Variants in PRKCA observed in about 807,000 individuals in gnomAD.
The protein encoded by PRKCA is protein kinase C alpha.
Under a neutral mutation model 87.0 loss-of-function variants are expected in PRKCA, and 27 were observed. That is an observed-to-expected ratio of 0.31 (90% CI 0.23 to 0.43). The LOEUF is 0.43. PRKCA is among the 20% of genes least tolerant of loss of function. The probability of loss-of-function intolerance (pLI) is 1.00; values close to 1 mark genes in which losing one functional copy is unlikely to be tolerated. For missense variants in PRKCA, 518 were observed against 852.3 expected (o/e 0.61, Z 4.88); for synonymous variants, 329 against 311.1 (o/e 1.06, Z -0.61).
At chr17:66,449,732 GCTGTAATTGTTTTTGGGTGTGCAC>G (rs1194340127) in intron 2 of PRKCA, among the ~76,000 whole-genome samples, 8 of 152,200 alleles carry the variant, frequency 5.3e-5, no homozygotes, top group African/African-American at 1.9e-4. Flanking sequence ...TGAGGTTGTT[GCTGTAATTGTTTTTGGGTGTGCAC>G]CTGCAGCGCC....
intron 16 of PRKCA, among the ~76,000 whole-genome samples, chr17:66,789,476 C>CGG (rs1975480520): frequency 6.6e-6 from 1 of 152,230 alleles, no homozygotes; most frequent in Admixed American, 6.5e-5. Flanking sequence ...GCCTCCACTG[C>CGG]GGGGAGTGAG....
chr17:66,455,651 T>C (rs1914547597), intron 2 of PRKCA, among the ~76,000 whole-genome samples: 1 of 152,202 alleles, frequency 6.6e-6, no homozygotes, highest in Admixed American at 6.5e-5. Flanking sequence ...CTGTGACATT[T>C]TGATTAACTG....
intron 3 of PRKCA, among the ~76,000 whole-genome samples, chr17:66,550,524 C>T (rs1968293142): frequency 6.6e-6 from 1 of 152,150 alleles, no homozygotes; most frequent in African/African-American, 2.4e-5. Flanking sequence ...TGGCGGACAT[C>T]TGTAGTCTCA....
At chr17:66,457,198 G>T (rs964591119) in intron 2 of PRKCA, among the ~76,000 whole-genome samples, 4 of 152,164 alleles carry the variant, frequency 2.6e-5, no homozygotes, top group African/African-American at 9.7e-5. Context: ...TTGGGTGTTT[G>T]TCCAAGAGAA....
chr17:66,402,010 C>T (rs1255707132), intron 2 of PRKCA, among the ~76,000 whole-genome samples: 1 of 152,170 alleles, frequency 6.6e-6, no homozygotes, highest in East Asian at 1.9e-4. Context: ...GCAGATCCAT[C>T]CCCTATGTTG....
intron 9 of PRKCA, among the ~76,000 whole-genome samples, chr17:66,734,133 A>G (rs1479633952): frequency 6.6e-6 from 1 of 152,198 alleles, no homozygotes. Context: ...CTTAACTTTA[A>G]TGTTACCAGA....
intron 3 of PRKCA, among the ~76,000 whole-genome samples, chr17:66,622,998 T>G (rs1970734021): frequency 6.6e-6 from 1 of 152,168 alleles, no homozygotes; most frequent in Non-Finnish European, 1.5e-5. Flanking sequence ...AACCGTTGAT[T>G]TGTGAGTTGA....
chr17:66,711,666 T>A (rs1449107351), intron 8 of PRKCA, among the ~76,000 whole-genome samples: 1 of 152,144 alleles, frequency 6.6e-6, no homozygotes, highest in Non-Finnish European at 1.5e-5. Flanking sequence ...TATGTTCGCA[T>A]TAGATCAAAC....
intron 2 of PRKCA, among the ~76,000 whole-genome samples, chr17:66,330,433 CAG>C (rs1906262642): frequency 6.6e-6 from 1 of 152,088 alleles, no homozygotes; most frequent in African/African-American, 2.4e-5. Flanking sequence ...ATATGTGACT[CAG>C]GGAGGTACCA....
intron 13 of PRKCA, among the ~76,000 whole-genome samples, chr17:66,750,913 A>C (rs1288010331): frequency 6.6e-6 from 1 of 152,220 alleles, no homozygotes; most frequent in Admixed American, 6.5e-5. Flanking sequence ...AAGGGCCTGC[A>C]GACATCAGCT....
At chr17:66,502,385 C>T (rs2144134560) in intron 3 of PRKCA, among the ~76,000 whole-genome samples, 1 of 152,046 alleles carries the variant, frequency 6.6e-6, no homozygotes, top group Non-Finnish European at 1.5e-5. Flanking sequence ...CGGGCATGCA[C>T]CACCACACTC....
intron 3 of PRKCA, among the ~76,000 whole-genome samples, chr17:66,514,684 G>A (rs1057029696): frequency 9.9e-5 from 15 of 151,930 alleles, no homozygotes; most frequent in Admixed American, 6.6e-4. Flanking sequence ...GGTGTGAGAT[G>A]CCTGCTTCAT....
chr17:66,371,780 C>G (rs928479575), intron 2 of PRKCA, among the ~76,000 whole-genome samples: 3 of 152,298 alleles, frequency 2.0e-5, no homozygotes, highest in Middle Eastern at 3.4e-3. Context: ...ATGACCCAAC[C>G]CTTTGTCATC....
intron 2 of PRKCA, among the ~76,000 whole-genome samples, chr17:66,396,154 G>A (rs1052800543): frequency 3.9e-5 from 6 of 151,922 alleles, no homozygotes; most frequent in African/African-American, 1.5e-4. Flanking sequence ...TCTTTGGGTG[G>A]GTGAAATGCT....
intron 3 of PRKCA, among the ~76,000 whole-genome samples, chr17:66,505,426 A>G (rs997182018): frequency 6.6e-6 from 1 of 152,196 alleles, no homozygotes; most frequent in African/African-American, 2.4e-5. Flanking sequence ...TCCCATTTTC[A>G]CCAGTGTTTG....
At chr17:66,686,287 A>G (rs1972625447) in intron 5 of PRKCA, among the ~76,000 whole-genome samples, 1 of 152,118 alleles carries the variant, frequency 6.6e-6, no homozygotes, top group Admixed American at 6.5e-5. Context: ...TGATTCCCAT[A>G]TCAGGTTTCT....
chr17:66,591,319 A>ATTTTTT, intron 3 of PRKCA, among the ~76,000 whole-genome samples: 1 of 146,062 alleles, frequency 6.8e-6, no homozygotes, highest in Non-Finnish European at 1.5e-5. Flanking sequence ...TGCCCAGCTA[A>ATTTTTT]TTTTTTTTTT....
At chr17:66,742,906 A>G in intron 13 of PRKCA, 146 bp downstream of exon 13, 1 of 870,506 alleles carries the variant, frequency 1.1e-6, no homozygotes, top group South Asian at 1.9e-5. Context: ...AACAGACTAA[A>G]ATAGAGGAAA....
Position 66,551,266 on chromosome 17 carries a change from T to C in PRKCA, c.288+54983T>C, listed in dbSNP as rs142197450. Among the ~76,000 whole-genome samples, 987 of 152,340 alleles carry C rather than the reference T, an allele frequency of 6.5e-3. 28 individuals carry two copies. The highest frequency in any genetic ancestry group is 0.041 in the Admixed American group (631 of 15,308). Reference sequence around the variant, plus strand: ...TTTCCGTAGAGACAGGGTTTTGCCATGTTGCCTTGGCTTCATAGCATCTTT... The same window carrying C: ...TTTCCGTAGAGACAGGGTTTTGCCACGTTGCCTTGGCTTCATAGCATCTTT... On this transcript the variant is annotated intron_variant, in intron 3 of 16. Transcript: ENST00000413366.
Sources: allele counts gnomAD v4.1 joint callset (sites outside exome capture counted in the v4.1 genomes callset), GRCh38; gene constraint gnomAD v4.1.1; transcripts MANE v1.5; gene names NCBI Gene and HGNC (gene_info 2026-07-23, HGNC 2026-07-21).